Variants in HLA-F observed in about 807,000 individuals in gnomAD.
HLA-F encodes HLA class I histocompatibility antigen, alpha chain F.
A neutral mutation model predicts 49.5 loss-of-function variants in HLA-F; 46 were observed. That is an observed-to-expected ratio of 0.93 (90% CI 0.73 to 1.19). HLA-F has a LOEUF of 1.19. Among genes scored for constraint, HLA-F ranks in the 50% most tolerant of loss-of-function variants. The pLI, the probability that HLA-F is intolerant of heterozygous loss-of-function variation, is 0.00. For missense variants in HLA-F, 496 were observed against 579.6 expected (o/e 0.86, Z 1.48); for synonymous variants, 203 against 233.5 (o/e 0.87, Z 1.19).
chr6:29,725,990 C>T (rs1368960544), intron 5 of HLA-F, 21 bp from the exon 6 acceptor site: 1 of 1,613,936 alleles, frequency 6.2e-7, no homozygotes, highest in South Asian at 1.1e-5. Flanking sequence ...TGGCCTCTCA[C>T]AGGACATTTT....
chr6:29,737,978 G>A (rs1196914890), intron 3 of HLA-F: 1 of 152,284 alleles, frequency 6.6e-6, no homozygotes, highest in Non-Finnish European at 1.5e-5. Context: ...CTCCACAGGT[G>A]CAGTTACAGT....
At position 29,723,743 on chromosome 6, in the gene HLA-F, C is replaced by A. The variant is rs771497766; in HGVS notation, c.150C>A (p.Asp50Glu). 1 of 1,612,164 alleles carries A rather than the reference C, an allele frequency of 6.2e-7. No homozygotes were observed. Among genetic ancestry groups the A allele is most frequent in the South Asian group, 1.1e-5 (1 of 90,990 alleles). The change falls in exon 2 of 7, where the codon GAC (aspartate) becomes GAA (glutamate). Residue 50 changes from aspartate (D) to glutamate (E), a missense_variant. Physicochemically the swap from Asp to Glu is conservative, Grantham distance 45. Transcript: ENST00000259951. ...EPRYIAVEYV[D>E]DTQFLRFDSD... ...GCTACATCGCCGTGGAGTACGTAGA[C>A]GACACGCAATTCCTGCGGTTCGACA...
intron 3 of HLA-F, among the ~76,000 whole-genome samples, chr6:29,737,581 C>T (rs1777227848): frequency 6.6e-6 from 1 of 152,140 alleles, no homozygotes; most frequent in African/African-American, 2.4e-5. Flanking sequence ...CCAAACTTCT[C>T]CCTCTCTCTG....
In HLA-F at chr6:29,724,204, C is replaced by A. The variant is rs1306884134; in HGVS notation, c.366C>A (p.Cys122Ter). 4 of 1,613,016 alleles carry A rather than the reference C, an allele frequency of 2.5e-6. No individual in the cohort carries two copies. Among genetic ancestry groups the A allele is most frequent in the East Asian group, 2.2e-5 (1 of 44,894 alleles). Residue 122 changes from cysteine (C) to a stop codon, truncating the protein, a stop_gained, in exon 3 of 7, where the codon TGC becomes TGA. Transcript: ENST00000259951. LOFTEE classifies it high-confidence loss of function. ...GSHTLQGMNGCDMGPDGRLLR... is the reference protein window; with the variant it reads ...GSHTLQGMNG Reference sequence around the variant, plus strand: ...ACACCCTCCAGGGAATGAATGGCTGCGACATGGGGCCCGACGGACGCCTCC... The same window carrying A: ...ACACCCTCCAGGGAATGAATGGCTGAGACATGGGGCCCGACGGACGCCTCC...
At position 29,727,240 on chromosome 6, in the gene HLA-F, C is replaced by A; in HGVS notation, c.*65C>A. 1.0e-6 allele frequency: 1 copy of A among 999,960 alleles called. No individual in the cohort carries two copies. 61.9% of individuals were successfully genotyped at this position (999,960 alleles called of 1,614,324 possible). On this transcript the variant is annotated 3_prime_UTR_variant, in exon 7 of 7. Coordinates refer to ENST00000259951, the MANE Select transcript of HLA-F (RefSeq NM_001098479.2). Reference sequence around the variant, plus strand: ...CACTAAATACTTCATCACACACCTCCTAAGAATAAGAACCAACATTATCAC... The same window carrying A: ...CACTAAATACTTCATCACACACCTCATAAGAATAAGAACCAACATTATCAC...
chr6:29,731,227 GGATACATAGATAGATAGATAGATA>G (rs1232688972), downstream of HLA-F, among the ~76,000 whole-genome samples: 67 of 131,344 alleles, frequency 5.1e-4, no homozygotes, highest in Admixed American at 1.0e-3. Flanking sequence ...TAGAGTAGAT[GGATACATAGATAGATAGATAGATA>G]GATAGATAGA....
At chr6:29,731,617 G>A (rs59144130), downstream of HLA-F, among the ~76,000 whole-genome samples, 7,724 of 152,194 alleles carry the variant, frequency 0.051, 416 homozygotes, top group African/African-American at 0.14. Flanking sequence ...CACAGCGAGA[G>A]AGGATTTTCC....
intron 3 of HLA-F, chr6:29,735,369 A>ATG (rs1410312642): frequency 1.4e-5 from 2 of 147,668 alleles, no homozygotes; most frequent in African/African-American, 2.5e-5. Flanking sequence ...ATGTGTGTAT[A>ATG]TATATATATT....
At chr6:29,730,624 C>G (rs961588895), downstream of HLA-F, among the ~76,000 whole-genome samples, 5 of 152,124 alleles carry the variant, frequency 3.3e-5, no homozygotes, top group Non-Finnish European at 7.4e-5. Flanking sequence ...CTCCTGCCAC[C>G]ACCCGAGAGC....
intron 4 of HLA-F, 53 bp from the exon 5 acceptor site, chr6:29,725,394 G>A: frequency 6.2e-7 from 1 of 1,610,056 alleles, no homozygotes; most frequent in Non-Finnish European, 8.5e-7. Context: ...CTTCAGCAGG[G>A]TCAGGGCTGA....
intron 6 of HLA-F, chr6:29,726,328 C>T: frequency 6.8e-7 from 1 of 1,478,976 alleles, no homozygotes; most frequent in South Asian, 1.1e-5. Context: ...ATGTCTTGAG[C>T]ATGAAATGGG....
intron 3 of HLA-F, chr6:29,736,698 T>C (rs1021583840): frequency 7.4e-5 from 20 of 269,344 alleles, no homozygotes; most frequent in Non-Finnish European, 4.4e-5. Context: ...TATGATAGAT[T>C]AGTTCTGTCA....
In HLA-F at chr6:29,725,231, C is replaced by T. The variant is rs1372941296; in HGVS notation, c.811C>T (p.Pro271Ser). 6.2e-7 allele frequency: 1 copy of T among 1,613,290 alleles called. No individual in the cohort carries two copies. Among genetic ancestry groups the T allele is most frequent in the Non-Finnish European group, 8.5e-7 (1 of 1,179,798 alleles). ...TFQKWAAVVV[P>S]PGEEQRYTCH... ...CCAGAAGTGGGCCGCTGTGGTGGTG[C>T]CTCCTGGAGAGGAACAGAGATACAC... is the stretch of plus-strand genomic sequence containing the variant. The change falls in exon 4 of 7, where the codon CCT becomes TCT. Residue 271 changes from proline (P) to serine (S), a missense_variant. Pro to Ser is a moderately conservative substitution (Grantham distance 74, BLOSUM62 -1). Coordinates refer to ENST00000259951, the MANE Select transcript of HLA-F (RefSeq NM_001098479.2).
intron 3 of HLA-F, among the ~76,000 whole-genome samples, chr6:29,732,584 T>C (rs1412194047): frequency 1.3e-5 from 2 of 152,160 alleles, no homozygotes; most frequent in Non-Finnish European, 2.9e-5. Flanking sequence ...TAGCTGGGAC[T>C]ACAGGCACAT....
intron 3 of HLA-F, among the ~76,000 whole-genome samples, chr6:29,734,443 C>T (rs1776890273): frequency 1.3e-5 from 2 of 152,234 alleles, no homozygotes; most frequent in South Asian, 4.2e-4. Context: ...GCATTTGGAT[C>T]CAAGACAGAA....
chr6:29,725,874 A>T, intron 5 of HLA-F, 137 bp from the exon 6 acceptor site: 2 of 969,874 alleles, frequency 2.1e-6, no homozygotes, highest in South Asian at 1.4e-5. Context: ...TGCTTTCTTC[A>T]TATTTCTTGA....
At chr6:29,730,873 C>A (rs1776516113), downstream of HLA-F, among the ~76,000 whole-genome samples, 1 of 152,140 alleles carries the variant, frequency 6.6e-6, no homozygotes, top group Admixed American at 6.5e-5. Context: ...CATTCTCAGC[C>A]CAGCTCACTC....
In HLA-F at chr6:29,724,188, A is replaced by T. The variant is rs28628033; in HGVS notation, c.350A>T (p.Gln117Leu). 1 of 1,613,118 alleles carries T rather than the reference A, an allele frequency of 6.2e-7. No homozygotes were observed. Among genetic ancestry groups the T allele is most frequent in the Non-Finnish European group, 8.5e-7 (1 of 1,180,014 alleles). Residue 117 changes from glutamine (Q) to leucine (L), a missense_variant, in exon 3 of 7, where the codon CAG becomes CTG. Physicochemically the swap from Gln to Leu is moderately radical, Grantham distance 113. Coordinates refer to ENST00000259951, the MANE Select transcript of HLA-F (RefSeq NM_001098479.2). The part of the protein sequence containing the change: ...NQSEAGSHTL[Q>L]GMNGCDMGPD... ...GACCGGCTAGGGTCTCACACCCTCCAGGGAATGAATGGCTGCGACATGGGG... is the reference window on the plus strand; with the variant it reads ...GACCGGCTAGGGTCTCACACCCTCCTGGGAATGAATGGCTGCGACATGGGG...
At chr6:29,736,043 T>C (rs957950105) in intron 3 of HLA-F, 9 of 153,300 alleles carry the variant, frequency 5.9e-5, no homozygotes, top group African/African-American at 1.9e-4. Context: ...TGATGTTCTC[T>C]ATTTGGGGAA....
Sources: allele counts gnomAD v4.1 joint callset (sites outside exome capture counted in the v4.1 genomes callset), GRCh38; gene constraint gnomAD v4.1.1; transcripts MANE v1.5; gene names NCBI Gene and HGNC (gene_info 2026-07-23, HGNC 2026-07-21).